Variants in DGLUCY observed in about 807,000 individuals in gnomAD.
The protein encoded by DGLUCY is D-glutamate cyclase, also known as D-glutamate cyclase, mitochondrial.
DGLUCY carries 58 observed loss-of-function variants against 58.5 expected under a neutral mutation model. The observed-to-expected ratio is 0.99, with a 90% CI of 0.80 to 1.23. The LOEUF is 1.23. Among genes scored for constraint, DGLUCY ranks in the 50% most tolerant of loss-of-function variants. DGLUCY has a pLI of 0.00. For missense variants in DGLUCY, 779 were observed against 784.7 expected, an observed-to-expected ratio of 0.99 and a Z score of 0.09; for synonymous variants, 325 against 314.1, an observed-to-expected ratio of 1.03 and a Z score of -0.37.
intron 1 of DGLUCY, among the ~76,000 whole-genome samples, chr14:91,066,659 T>A (rs1293589034): frequency 6.6e-6 from 1 of 151,998 alleles, no homozygotes; most frequent in East Asian, 1.9e-4. Flanking sequence ...CCACTATCAC[T>A]TGCCATAAAC....
chr14:91,128,170 A>G (rs762794468), intron 1 of DGLUCY, among the ~76,000 whole-genome samples: 177 of 152,092 alleles, frequency 1.2e-3, no homozygotes, highest in Non-Finnish European at 1.5e-3. Context: ...ACTTGATTGC[A>G]ATTGATGTTA....
chr14:91,160,038 C>T (rs1364836468), intron 2 of DGLUCY, among the ~76,000 whole-genome samples: 1 of 152,142 alleles, frequency 6.6e-6, no homozygotes, highest in Non-Finnish European at 1.5e-5. Flanking sequence ...GGGGGACGTT[C>T]CAGGCCAAGG....
At position 91,224,684 on chromosome 14, in the gene DGLUCY, G is replaced by A. The variant is rs763704095; in HGVS notation, c.1717G>A (p.Glu573Lys). 1.3e-6 allele frequency: 2 copies of A among 1,582,150 alleles called. No individual in the cohort carries two copies. Among genetic ancestry groups the A allele is most frequent in the African/African-American group, 2.7e-5 (2 of 73,946 alleles). ...CTATTTCTGCCCTATTTTTTTCCAG[G>A]AAGAAAAAATGCTGGGCATCTTGGT... ...WTQALPSVIK[E>K]EKMLGILVQH... The change falls in exon 14 of 14, where the codon GAA becomes AAA. Residue 573 changes from glutamate to lysine, a missense_variant and splice_region_variant. Physicochemically the swap from Glu to Lys is moderately conservative, Grantham distance 56. Transcript: ENST00000256324.
intron 8 of DGLUCY, among the ~76,000 whole-genome samples, chr14:91,182,531 C>T (rs950097062): frequency 6.6e-6 from 1 of 152,082 alleles, no homozygotes; most frequent in African/African-American, 2.4e-5. Context: ...CTCCTGGGCT[C>T]AAGTGATTTT....
At chr14:91,182,980 GTTTA>G (rs2049281421) in intron 8 of DGLUCY, among the ~76,000 whole-genome samples, 3 of 144,948 alleles carry the variant, frequency 2.1e-5, no homozygotes, top group African/African-American at 7.7e-5. Flanking sequence ...TTTTAGTTTA[GTTTA>G]TTTATTTTAT....
At chr14:91,155,167 C>T (rs1164241412) in intron 1 of DGLUCY, among the ~76,000 whole-genome samples, 3 of 152,154 alleles carry the variant, frequency 2.0e-5, no homozygotes, top group East Asian at 1.9e-4. Context: ...AAGACAGACA[C>T]GATGGTAGAT....
chr14:91,072,189 T>C (rs1204889364), intron 1 of DGLUCY, among the ~76,000 whole-genome samples: 1 of 151,934 alleles, frequency 6.6e-6, no homozygotes, highest in African/African-American at 2.4e-5. Context: ...CCAGGCATAG[T>C]GGCATGCACC....
intron 6 of DGLUCY, among the ~76,000 whole-genome samples, chr14:91,174,033 C>T (rs904842668): frequency 2.0e-5 from 3 of 151,976 alleles, no homozygotes; most frequent in Non-Finnish European, 4.4e-5. Flanking sequence ...AGCTCCACCC[C>T]TCCCCGCAAC....
chr14:91,204,692 C>T lies in DGLUCY; in HGVS notation c.1445-14C>T. ...CCTGGTCCCGTGCACTGACTCAGCT[C>T]CCCTTCCCTTCAGGAGTCGGTGATG... On this transcript the variant is annotated splice_polypyrimidine_tract_variant and intron_variant, in intron 11 of 13. Transcript: ENST00000256324. The T allele has an allele frequency of 1.2e-6, 2 of 1,613,202 alleles. No individual in the cohort carries two copies. The highest frequency in any genetic ancestry group is 1.7e-6 in the Non-Finnish European group (2 of 1,179,456).
chr14:91,170,264 A>G, intron 5 of DGLUCY, 63 bp downstream of exon 5: 5 of 1,541,462 alleles, frequency 3.2e-6, no homozygotes, highest in Middle Eastern at 3.6e-4. Context: ...CAACTTACAT[A>G]TTCCTGGGGT....
Position 91,216,022 on chromosome 14 carries a change from A to G in DGLUCY, c.1716+466A>G, listed in dbSNP as rs565918422. 78 of 296,810 alleles carry G rather than the reference A, an allele frequency of 2.6e-4. 1 individual carries two copies. The highest frequency in any genetic ancestry group is 2.3e-3 in the South Asian group (75 of 32,096). The allele number at this position is 296,810 out of a possible 1,614,324, so 18.4% of individuals were successfully genotyped here. A position where few individuals can be genotyped will look rare whatever the true frequency, so the allele number is the denominator to read the frequency against. ...CTAAGGAAAGTGCTAAGGGGGACAGACAAGGTGAGAAGAGAATCCTGTGGG... is the reference window on the plus strand; with the variant it reads ...CTAAGGAAAGTGCTAAGGGGGACAGGCAAGGTGAGAAGAGAATCCTGTGGG... On this transcript the variant is annotated intron_variant, in intron 13 of 13. Coordinates refer to ENST00000256324, the MANE Select transcript of DGLUCY (RefSeq NM_001102368.3).
intron 1 of DGLUCY, among the ~76,000 whole-genome samples, chr14:91,116,460 TTGAC>T (rs2044949141): frequency 6.6e-6 from 1 of 152,200 alleles, no homozygotes; most frequent in Admixed American, 6.5e-5. Context: ...CTGTGTCTTT[TTGAC>T]TGTGTGAAAT....
intron 10 of DGLUCY, 152 bp downstream of exon 10, chr14:91,196,626 A>G: frequency 1.6e-6 from 1 of 637,280 alleles, no homozygotes; most frequent in South Asian, 1.9e-5. Context: ...AGACTAACAA[A>G]TGAGGCTGGG....
chr14:91,063,436 A>G (rs1362698151), intron 1 of DGLUCY, among the ~76,000 whole-genome samples: 2 of 152,222 alleles, frequency 1.3e-5, no homozygotes, highest in Non-Finnish European at 2.9e-5. Flanking sequence ...CACATTTTTA[A>G]TGTGGGTATG....
chr14:91,207,249 C>T (rs540602616), intron 12 of DGLUCY, among the ~76,000 whole-genome samples: 3 of 150,140 alleles, frequency 2.0e-5, no homozygotes, highest in South Asian at 2.1e-4. Flanking sequence ...ATTAGTAGAC[C>T]GGACATGGCT....
chr14:91,060,380 CG>C, exon 1 of DGLUCY: 1 of 1,508,192 alleles, frequency 6.6e-7, no homozygotes, highest in Non-Finnish European at 8.9e-7. Flanking sequence ...CCTCCGTCGC[CG>C]CCGTCCGCGC....
chr14:91,182,932 T>C (rs906604136), intron 8 of DGLUCY, among the ~76,000 whole-genome samples: 1 of 150,422 alleles, frequency 6.6e-6, no homozygotes, highest in Non-Finnish European at 1.5e-5. Context: ...TTTTTTATTT[T>C]ATTTTATTTT....
intron 1 of DGLUCY, among the ~76,000 whole-genome samples, chr14:91,144,314 C>T (rs1029407177): frequency 6.6e-6 from 1 of 152,112 alleles, no homozygotes; most frequent in African/African-American, 2.4e-5. Flanking sequence ...GCTCCCAGGA[C>T]TTTGGGAGGC....
At chr14:91,073,265 A>G (rs1208148119) in intron 1 of DGLUCY, among the ~76,000 whole-genome samples, 1 of 151,620 alleles carries the variant, frequency 6.6e-6, no homozygotes, top group East Asian at 2.0e-4. Flanking sequence ...ACATGGATAA[A>G]CCCCATCTCT....
Sources: gnomAD v4.1 joint callset for allele counts (sites outside exome capture counted in the v4.1 genomes callset) on GRCh38, gnomAD v4.1.1 for gene constraint, MANE v1.5 for transcripts, NCBI Gene and HGNC (gene_info 2026-07-23, HGNC 2026-07-21) for gene names.